SLC24A2: variants seen among roughly 807,000 people sequenced by gnomAD.
SLC24A2 encodes the protein sodium/potassium/calcium exchanger 2.
A neutral mutation model predicts 62.0 loss-of-function variants in SLC24A2; 36 were observed. The observed-to-expected ratio is 0.58, with a 90% CI of 0.44 to 0.77. The LOEUF (loss-of-function observed/expected upper bound fraction) is 0.77. SLC24A2 is among the 30% of genes least tolerant of loss of function. The pLI is 0.00. For missense variants in SLC24A2, 846 were observed against 817.9 expected (o/e 1.03, Z -0.42); for synonymous variants, 358 against 294.0 (o/e 1.22, Z -2.23).
At chr9:19,522,985 T>G (rs1179726225) in intron 9 of SLC24A2, among the ~76,000 whole-genome samples, 2 of 152,224 alleles carry the variant, frequency 1.3e-5, no homozygotes, top group Non-Finnish European at 2.9e-5. Context: ...TAAAACATTC[T>G]TAATAATTAA....
the SLC24A2 span, among the ~76,000 whole-genome samples, chr9:19,954,507 C>A: frequency 4.6e-5 from 7 of 151,956 alleles, no homozygotes; most frequent in Admixed American, 4.6e-4. Flanking sequence ...GCATGTTTCC[C>A]CAGGAAAGAT....
chr9:19,787,142 T>G (rs1176767542), intron 1 of SLC24A2, 123 bp from the exon 2 acceptor site: 8 of 360,456 alleles, frequency 2.2e-5, no homozygotes, highest in Non-Finnish European at 2.7e-5. Context: ...TTACTTAACT[T>G]CTCTGTGCCT....
chr9:20,254,260 T>C, the SLC24A2 span, among the ~76,000 whole-genome samples: 2 of 152,094 alleles, frequency 1.3e-5, no homozygotes, highest in Non-Finnish European at 2.9e-5. Flanking sequence ...CTGTTTGGAG[T>C]TGATGTTTCT....
the SLC24A2 span, among the ~76,000 whole-genome samples, chr9:19,859,160 G>A: frequency 6.6e-6 from 1 of 152,166 alleles, no homozygotes; most frequent in African/African-American, 2.4e-5. Context: ...GGAATACTAT[G>A]CAGCCATATA....
chr9:20,019,130 A>AG, the SLC24A2 span, among the ~76,000 whole-genome samples: 2 of 132,018 alleles, frequency 1.5e-5, no homozygotes, highest in African/African-American at 3.1e-5. Context: ...AGAAAGAAAG[A>AG]AAGAAAGAAA....
chr9:20,192,387 A>G, the SLC24A2 span, among the ~76,000 whole-genome samples: 1 of 152,040 alleles, frequency 6.6e-6, no homozygotes, highest in Admixed American at 6.6e-5. Context: ...ATATATATAT[A>G]TATTTAAGAA....
the SLC24A2 span, among the ~76,000 whole-genome samples, chr9:20,166,011 T>C: frequency 4.0e-5 from 6 of 151,822 alleles, no homozygotes; most frequent in African/African-American, 1.4e-4. Flanking sequence ...ACCAAAAATA[T>C]GTAAAAATGA....
intron 8 of SLC24A2, among the ~76,000 whole-genome samples, chr9:19,528,824 T>C (rs1316338503): frequency 6.6e-6 from 1 of 152,178 alleles, no homozygotes; most frequent in Non-Finnish European, 1.5e-5. Context: ...AGATCAGACA[T>C]TGCTCTCAAG....
At chr9:20,136,557 G>A in the SLC24A2 span, among the ~76,000 whole-genome samples, 1 of 152,106 alleles carries the variant, frequency 6.6e-6, no homozygotes, top group African/African-American at 2.4e-5. Context: ...AAGCCTTAAT[G>A]CTGAAATTGC....
chr9:20,260,845 C>CTTT, the SLC24A2 span, among the ~76,000 whole-genome samples: 571 of 110,462 alleles, frequency 5.2e-3, 11 homozygotes, highest in African/African-American at 0.018. Context: ...ACGTATCATT[C>CTTT]TTTCTTTTTT....
the SLC24A2 span, among the ~76,000 whole-genome samples, chr9:20,182,546 A>T: frequency 6.6e-6 from 1 of 152,218 alleles, no homozygotes; most frequent in African/African-American, 2.4e-5. Flanking sequence ...CAGGAAACCA[A>T]ACACTGCATG....
At chr9:20,153,270 A>G in the SLC24A2 span, among the ~76,000 whole-genome samples, 4 of 151,624 alleles carry the variant, frequency 2.6e-5, no homozygotes, top group Non-Finnish European at 4.4e-5. Context: ...ATCTAAAAAG[A>G]GCAAACTCTA....
chr9:20,144,039 G>C, the SLC24A2 span, among the ~76,000 whole-genome samples: 1 of 152,186 alleles, frequency 6.6e-6, no homozygotes, highest in Non-Finnish European at 1.5e-5. Flanking sequence ...ATGTTACATG[G>C]TAAGTAAAAA....
chr9:20,161,757 TACACACACACACACAC>T, the SLC24A2 span, among the ~76,000 whole-genome samples: 1 of 147,232 alleles, frequency 6.8e-6, no homozygotes, highest in East Asian at 2.0e-4. Context: ...AACATGAAGA[TACACACACACACACAC>T]ACACACACAC....
chr9:19,568,427 C>G (rs530571169), intron 7 of SLC24A2, among the ~76,000 whole-genome samples: 3 of 152,204 alleles, frequency 2.0e-5, no homozygotes, highest in African/African-American at 4.8e-5. Flanking sequence ...TACCAATAGA[C>G]GCCTTGCCAT....
chr9:19,896,549 C>A, the SLC24A2 span, among the ~76,000 whole-genome samples: 1 of 152,108 alleles, frequency 6.6e-6, no homozygotes, highest in Non-Finnish European at 1.5e-5. Flanking sequence ...TCACAGCAAC[C>A]CTTGGAGGAA....
chr9:19,962,511 C>T, the SLC24A2 span, among the ~76,000 whole-genome samples: 4 of 152,276 alleles, frequency 2.6e-5, no homozygotes, highest in Admixed American at 1.3e-4. Context: ...AATGTTCTTC[C>T]ATTTGTTTGT....
chr9:19,723,457 T>G (rs540498692), intron 2 of SLC24A2, among the ~76,000 whole-genome samples: 21 of 152,128 alleles, frequency 1.4e-4, no homozygotes, highest in Non-Finnish European at 2.6e-4. Context: ...TTCTATCATA[T>G]TCCATTTAAT....
the SLC24A2 span, among the ~76,000 whole-genome samples, chr9:20,143,527 A>G: frequency 1.3e-5 from 2 of 152,202 alleles, no homozygotes; most frequent in Admixed American, 6.5e-5. Flanking sequence ...GATGAGAGAA[A>G]AAACTATAAG....
Sources: gnomAD v4.1 joint callset for allele counts (sites outside exome capture counted in the v4.1 genomes callset) on GRCh38, gnomAD v4.1.1 for gene constraint, MANE v1.5 for transcripts, NCBI Gene and HGNC (gene_info 2026-07-23, HGNC 2026-07-21) for gene names.